CRACDL: variants seen among roughly 807,000 people sequenced by gnomAD.
CRACDL encodes the protein CRACD like.
A neutral mutation model predicts 70.6 loss-of-function variants in CRACDL; 26 were observed. That is an observed-to-expected ratio of 0.37 (90% CI 0.27 to 0.51). The LOEUF is 0.51. Ranked by LOEUF, CRACDL falls within the 20% of genes least tolerant of loss-of-function variation. The pLI is 0.94. For missense variants in CRACDL, 1,283 were observed against 1,376.9 expected (o/e 0.93, Z 1.08); for synonymous variants, 618 against 615.2 (o/e 1.00, Z -0.07).
intron 1 of CRACDL, among the ~76,000 whole-genome samples, chr2:98,919,494 T>C (rs1215546682): frequency 6.6e-6 from 1 of 152,252 alleles, no homozygotes; most frequent in Non-Finnish European, 1.5e-5. Flanking sequence ...TCTGGTATCA[T>C]GTGTAGAAAG....
At position 98,827,155 on chromosome 2, in the gene CRACDL, A is replaced by AGACAC; in HGVS notation, c.550_554dup (p.Pro186CysfsTer6). On this transcript the variant is annotated frameshift_variant, in exon 6 of 10. Coordinates refer to ENST00000397899, the MANE Select transcript of CRACDL (RefSeq NM_207362.3). LOFTEE classifies it high-confidence loss of function. ...CGGTGCTGTCGCTCACGTGGTCTGG[A>AGACAC]GACACGACAGAGACCTTCGTGGGAC... The AGACAC allele has an allele frequency of 6.2e-7, 1 of 1,613,792 alleles. No homozygotes were observed. Among genetic ancestry groups the AGACAC allele is most frequent in the Non-Finnish European group, 8.5e-7 (1 of 1,179,744 alleles).
At chr2:98,825,185 C>G (rs1705252436) in intron 6 of CRACDL, among the ~76,000 whole-genome samples, 1 of 152,112 alleles carries the variant, frequency 6.6e-6, no homozygotes, top group South Asian at 2.1e-4. Flanking sequence ...GACAGAGGCC[C>G]CCGGCATCAT....
chr2:98,877,170 C>A (rs932801372), intron 1 of CRACDL, among the ~76,000 whole-genome samples: 1 of 152,174 alleles, frequency 6.6e-6, no homozygotes, highest in African/African-American at 2.4e-5. Context: ...GTAGAAATAG[C>A]AATAAGTCTG....
intron 1 of CRACDL, among the ~76,000 whole-genome samples, chr2:98,929,879 G>A (rs896892632): frequency 1.3e-5 from 2 of 152,120 alleles, no homozygotes; most frequent in African/African-American, 4.8e-5. Context: ...AAGACACCTA[G>A]TATTCATGAA....
At position 98,793,910 on chromosome 2, in the gene CRACDL, G is replaced by A. The variant is rs2104383291; in HGVS notation, c.*622C>T. The A allele has an allele frequency of 6.5e-6, 1 of 152,800 alleles. No homozygotes were observed. Among genetic ancestry groups the A allele is most frequent in the East Asian group, 1.9e-4 (1 of 5,186 alleles). The allele number at this position is 152,800 out of a possible 1,614,324, so 9.5% of individuals were successfully genotyped here. On this transcript the variant is annotated 3_prime_UTR_variant, in exon 10 of 10. Transcript: ENST00000397899. ...CAGTGGTTAAAGACACAGATGCCTA[G>A]TGGAAAAGTTTAAAAATTATTTTTG...
chr2:98,804,673 G>A (rs965716565), intron 7 of CRACDL, among the ~76,000 whole-genome samples: 10 of 152,182 alleles, frequency 6.6e-5, no homozygotes, highest in South Asian at 2.1e-4. Context: ...TGATGTGCCC[G>A]ATGGAGATAA....
At chr2:98,930,520 C>T (rs1341318346) in intron 1 of CRACDL, among the ~76,000 whole-genome samples, 1 of 146,504 alleles carries the variant, frequency 6.8e-6, no homozygotes, top group Non-Finnish European at 1.5e-5. Context: ...ATCCCCATCC[C>T]CACCCTCTGT....
intron 7 of CRACDL, among the ~76,000 whole-genome samples, chr2:98,804,698 A>G (rs1323294964): frequency 6.6e-6 from 1 of 152,186 alleles, no homozygotes; most frequent in East Asian, 1.9e-4. Context: ...TGTTTCAGAT[A>G]AGCTTCATTC....
At chr2:98,801,419 C>A (rs1704070099) in intron 7 of CRACDL, among the ~76,000 whole-genome samples, 1 of 152,244 alleles carries the variant, frequency 6.6e-6, no homozygotes, top group African/African-American at 2.4e-5. Context: ...CAGTGCTGAG[C>A]CTCAAAGAAG....
intron 1 of CRACDL, among the ~76,000 whole-genome samples, chr2:98,851,711 G>A (rs1706489249): frequency 6.6e-6 from 1 of 152,108 alleles, no homozygotes; most frequent in Non-Finnish European, 1.5e-5. Flanking sequence ...AAGAAAATAA[G>A]TGCCAACATA....
chr2:98,805,483 C>G (rs908667120), intron 7 of CRACDL, among the ~76,000 whole-genome samples: 1 of 152,124 alleles, frequency 6.6e-6, no homozygotes, highest in East Asian at 1.9e-4. Context: ...CCCACAGCTT[C>G]AAGTGCACCC....
chr2:98,795,077 A>ATATATATATTTTTT, intron 9 of CRACDL, among the ~76,000 whole-genome samples: 10 of 58,490 alleles, frequency 1.7e-4, no homozygotes, highest in African/African-American at 6.6e-4. Context: ...ATATATATAT[A>ATATATATATTTTTT]TTTTTTTTTT....
chr2:98,930,318 C>A (rs1245829945), intron 1 of CRACDL, among the ~76,000 whole-genome samples: 2 of 116,878 alleles, frequency 1.7e-5, no homozygotes, highest in African/African-American at 7.1e-5. Context: ...GTCCCCTACC[C>A]CATCCCCATC....
At chr2:98,878,879 G>A (rs1353299052) in intron 1 of CRACDL, among the ~76,000 whole-genome samples, 5 of 152,092 alleles carry the variant, frequency 3.3e-5, no homozygotes, top group Non-Finnish European at 5.9e-5. Context: ...ACCACTGTAC[G>A]GTAGGGACCA....
chr2:98,930,079 A>C (rs1709031663), intron 1 of CRACDL, among the ~76,000 whole-genome samples: 1 of 151,692 alleles, frequency 6.6e-6, no homozygotes, highest in Non-Finnish European at 1.5e-5. Context: ...TGTTCAACAC[A>C]CTCACTAGTG....
intron 7 of CRACDL, among the ~76,000 whole-genome samples, chr2:98,806,517 G>A (rs549937128): frequency 6.6e-6 from 1 of 151,632 alleles, no homozygotes; most frequent in African/African-American, 2.4e-5. Context: ...AGCCAGGGCC[G>A]GGCTCAACGG....
chr2:98,883,354 C>T (rs1040667841), intron 1 of CRACDL, among the ~76,000 whole-genome samples: 4 of 152,224 alleles, frequency 2.6e-5, no homozygotes, highest in Non-Finnish European at 5.9e-5. Flanking sequence ...CTCCCATCCA[C>T]ATGCCTAGGC....
At chr2:98,873,858 T>G (rs970138521) in intron 1 of CRACDL, among the ~76,000 whole-genome samples, 1 of 152,010 alleles carries the variant, frequency 6.6e-6, no homozygotes, top group African/African-American at 2.4e-5. Context: ...ATACAAAAAT[T>G]AGTTGGGCGT....
At position 98,903,733 on chromosome 2, in the gene CRACDL, C is replaced by A. The variant is rs564878846; in HGVS notation, c.-11+32205G>T. ...CACTAGATATTCTCACAAGCTTCCC[C>A]CTCTAATTGCTTTTGAAGTTAGTCT... On this transcript the variant is annotated intron_variant, in intron 1 of 9. Transcript: ENST00000397899. Among the ~76,000 whole-genome samples, 4 of 152,334 alleles carry A rather than the reference C, an allele frequency of 2.6e-5. No individual in the cohort carries two copies. In the South Asian group the frequency reaches 8.3e-4, roughly 32 times the overall value.
Sources: gnomAD v4.1 joint callset for allele counts (sites outside exome capture counted in the v4.1 genomes callset) on GRCh38, gnomAD v4.1.1 for gene constraint, MANE v1.5 for transcripts, NCBI Gene and HGNC (gene_info 2026-07-23, HGNC 2026-07-21) for gene names.